The following NCOA3 variants were observed in gnomAD, a reference collection of about 807,000 sequenced individuals.
The protein encoded by NCOA3 is nuclear receptor coactivator 3.
Under a neutral mutation model 158.8 loss-of-function variants are expected in NCOA3, and 51 were observed. That is an observed-to-expected ratio of 0.32 (90% CI 0.26 to 0.41). The LOEUF is 0.41. Among genes scored for constraint, NCOA3 ranks in the 10% least tolerant of loss-of-function variants. The pLI, the probability that NCOA3 is intolerant of heterozygous loss-of-function variation, is 1.00. For synonymous variants in NCOA3, 537 were observed against 592.4 expected (o/e 0.91, Z 1.36); for missense variants, 1,510 against 1,746.6 (o/e 0.86, Z 2.41).
In NCOA3 at chr20:47,618,543, G is replaced by A. The variant is rs576819428; in HGVS notation, c.-19-3686G>A. On this transcript the variant is annotated intron_variant, in intron 2 of 22. Transcript: ENST00000371998. ...CTAATTTTGTATTTTTAGTAGAGAT[G>A]GAGTTTCTCCATGTTGGTCAGGCTG... Among the ~76,000 whole-genome samples, 13 of 151,968 alleles carry A rather than the reference G, an allele frequency of 8.6e-5. No individual in the cohort carries two copies. The South Asian group carries it at 2.7e-3, about 32-fold the overall frequency.
intron 19 of NCOA3, among the ~76,000 whole-genome samples, chr20:47,649,428 T>C (rs1424787628): frequency 6.6e-6 from 1 of 152,202 alleles, no homozygotes; most frequent in East Asian, 1.9e-4. Flanking sequence ...TCTGTAAATG[T>C]TCCTCTGTTC....
intron 1 of NCOA3, among the ~76,000 whole-genome samples, chr20:47,530,518 C>T (rs1280742878): frequency 2.0e-5 from 3 of 148,750 alleles, no homozygotes; most frequent in African/African-American, 5.0e-5. Context: ...GCTGTAGGGC[C>T]GTGGCACGAT....
chr20:47,623,039 T>C (rs1480012346), intron 3 of NCOA3: 1 of 152,236 alleles, frequency 6.6e-6, no homozygotes, highest in African/African-American at 2.4e-5. Context: ...CTTTGCTATC[T>C]TTTAAGAATG....
At chr20:47,589,525 A>T (rs1602447293) in intron 2 of NCOA3, among the ~76,000 whole-genome samples, 1 of 150,420 alleles carries the variant, frequency 6.6e-6, no homozygotes, top group Non-Finnish European at 1.5e-5. Flanking sequence ...ACAGGTGCCC[A>T]CTACTAAGCC....
rs191140191 is a variant in NCOA3, at chr20:47,510,562, A to G, written c.-99+8543A>G. On this transcript the variant is annotated intron_variant, in intron 1 of 22. Transcript: ENST00000371998. ...TTCAGTTTCCCTTTTCTTTCCCCCA[A>G]ATCACAATATAGTCATCCACATGGG... Among the ~76,000 whole-genome samples, 826 of 152,116 alleles carry G rather than the reference A, an allele frequency of 5.4e-3. 8 individuals are homozygous for G. The highest frequency in any genetic ancestry group is 7.7e-3 in the Non-Finnish European group (522 of 67,978).
chr20:47,514,557 T>A (rs1159412713), intron 1 of NCOA3, among the ~76,000 whole-genome samples: 1 of 151,940 alleles, frequency 6.6e-6, no homozygotes, highest in Non-Finnish European at 1.5e-5. Context: ...CCACCTAATT[T>A]TTTTTTTGTA....
At chr20:47,558,426 C>T (rs985152779) in intron 1 of NCOA3, among the ~76,000 whole-genome samples, 2 of 151,682 alleles carry the variant, frequency 1.3e-5, no homozygotes, top group African/African-American at 4.8e-5. Context: ...ATTAGGGCCA[C>T]CCTAGTGACC....
intron 1 of NCOA3, among the ~76,000 whole-genome samples, chr20:47,567,012 C>CTATGTATGTATGTATG (rs71183264): frequency 4.3e-4 from 63 of 145,458 alleles, no homozygotes; most frequent in South Asian, 6.7e-4. Flanking sequence ...TGGTATAGTA[C>CTATGTATGTATGTATG]TATGTATGTA....
chr20:47,654,711 A>T lies in NCOA3; in HGVS notation c.*1294A>T. 6.6e-6 allele frequency: 1 copy of T among 152,456 alleles called. No individual in the cohort carries two copies. The allele number at this position is 152,456 out of a possible 1,614,324, so 9.4% of individuals were successfully genotyped here. On this transcript the variant is annotated 3_prime_UTR_variant, in exon 23 of 23. Transcript: ENST00000371998. ...TTTTAAAAATTCCTCTACCAGAACT[A>T]AGCACTTTGTTAATTTGGGGGGAAA...
chr20:47,585,046 CTTT>C (rs11473989), intron 2 of NCOA3, among the ~76,000 whole-genome samples: 1 of 91,344 alleles, frequency 1.1e-5, no homozygotes, highest in Non-Finnish European at 2.0e-5. Context: ...CCTTTCTTAA[CTTT>C]TTTTTTTTTT....
At chr20:47,551,483 C>G (rs1257243953) in intron 1 of NCOA3, among the ~76,000 whole-genome samples, 8 of 152,150 alleles carry the variant, frequency 5.3e-5, no homozygotes, top group Non-Finnish European at 2.9e-5. Context: ...ACTGTACACA[C>G]TAAAGATCTT....
intron 1 of NCOA3, among the ~76,000 whole-genome samples, chr20:47,570,937 TATAC>T (rs200724466): frequency 1.2e-3 from 137 of 111,742 alleles, no homozygotes; most frequent in South Asian, 3.1e-3. Flanking sequence ...CAGTAATATA[TATAC>T]ACACACACAC....
At chr20:47,564,981 GGGTGGT>G (rs1378225373) in intron 1 of NCOA3, among the ~76,000 whole-genome samples, 6 of 151,882 alleles carry the variant, frequency 4.0e-5, no homozygotes, top group African/African-American at 1.4e-4. Flanking sequence ...CTTAACTATA[GGGTGGT>G]GGTTTTTTTT....
At chr20:47,520,845 G>T (rs1218837942) in intron 1 of NCOA3, among the ~76,000 whole-genome samples, 3 of 152,172 alleles carry the variant, frequency 2.0e-5, no homozygotes, top group Non-Finnish European at 4.4e-5. Flanking sequence ...CTTAGCGTTG[G>T]TGTGCTGGTA....
At chr20:47,519,354 C>T (rs554163085) in intron 1 of NCOA3, among the ~76,000 whole-genome samples, 2 of 151,054 alleles carry the variant, frequency 1.3e-5, no homozygotes, top group Non-Finnish European at 3.0e-5. Flanking sequence ...ATTGCTTGAA[C>T]CTGGGAGGCC....
At chr20:47,634,920 C>CT (rs66801245) in intron 10 of NCOA3, among the ~76,000 whole-genome samples, 2,479 of 120,084 alleles carry the variant, frequency 0.021, 55 homozygotes, top group East Asian at 0.091. Flanking sequence ...TTCTCTTCTT[C>CT]TTTTTTTTTT....
At chr20:47,567,701 C>T (rs746355392) in intron 1 of NCOA3, among the ~76,000 whole-genome samples, 2 of 152,154 alleles carry the variant, frequency 1.3e-5, no homozygotes, top group Admixed American at 6.5e-5. Flanking sequence ...TCACAAGTAG[C>T]TGGGATTACA....
intron 1 of NCOA3, among the ~76,000 whole-genome samples, chr20:47,509,523 C>T (rs1415393852): frequency 1.3e-5 from 2 of 152,220 alleles, no homozygotes; most frequent in African/African-American, 4.8e-5. Context: ...ACTTTCTTTA[C>T]TCTCAGTGAA....
intron 2 of NCOA3, among the ~76,000 whole-genome samples, chr20:47,611,032 T>C (rs1307276777): frequency 2.0e-5 from 3 of 152,198 alleles, no homozygotes; most frequent in Non-Finnish European, 4.4e-5. Flanking sequence ...TGTACCATGG[T>C]ACACTTTATG....
Sources: gnomAD v4.1 joint callset for allele counts (sites outside exome capture counted in the v4.1 genomes callset) on GRCh38, gnomAD v4.1.1 for gene constraint, MANE v1.5 for transcripts, NCBI Gene and HGNC (gene_info 2026-07-23, HGNC 2026-07-21) for gene names.